The following ODF2 variants were observed in gnomAD, a reference collection of about 807,000 sequenced individuals.
ODF2 encodes outer dense fiber of sperm tails 2.
In ODF2, 47 loss-of-function variants were observed where a neutral mutation model predicts 110.2. The observed-to-expected ratio is 0.43, with a 90% CI of 0.34 to 0.54. The LOEUF (loss-of-function observed/expected upper bound fraction) is 0.54. Ranked by LOEUF, ODF2 falls within the 20% of genes least tolerant of loss-of-function variation. The pLI is 0.03. For missense variants in ODF2, 812 were observed against 1,054.5 expected, an observed-to-expected ratio of 0.77 and a Z score of 3.19; for synonymous variants, 352 against 397.7, an observed-to-expected ratio of 0.89 and a Z score of 1.37.
upstream of ODF2, chr9:128,456,126 G>A: frequency 2.6e-6 from 4 of 1,547,922 alleles, no homozygotes; most frequent in Non-Finnish European, 3.5e-6. Flanking sequence ...CGGAAAAGGA[G>A]GCGGAAGCGG....
chr9:128,460,106 A>G (rs1363854696), intron 3 of ODF2: 1 of 1,287,184 alleles, frequency 7.8e-7, no homozygotes, highest in South Asian at 1.2e-5. Flanking sequence ...TCTCTGATTT[A>G]TTCTGCACCC....
chr9:128,492,966 C>G (rs1433042625), intron 16 of ODF2, among the ~76,000 whole-genome samples, 161 bp downstream of exon 16: 2 of 151,862 alleles, frequency 1.3e-5, no homozygotes, highest in Non-Finnish European at 2.9e-5. Context: ...CCCTGTGCCT[C>G]TCTCTCCTTT....
chr9:128,488,315 C>T (rs1447291101), intron 14 of ODF2, among the ~76,000 whole-genome samples: 1 of 152,148 alleles, frequency 6.6e-6, no homozygotes, highest in Non-Finnish European at 1.5e-5. Flanking sequence ...GTCCCAGCTA[C>T]TCGGGAGGCT....
At chr9:128,500,128 G>A in exon 21 of ODF2, 3 of 1,614,284 alleles carry the variant, frequency 1.9e-6, no homozygotes, top group Non-Finnish European at 2.5e-6. Context: ...CAGTCCGAGA[G>A]CACCAACCGC....
chr9:128,464,131 C>T (rs1393059073), intron 4 of ODF2, among the ~76,000 whole-genome samples: 3 of 150,320 alleles, frequency 2.0e-5, no homozygotes, highest in Non-Finnish European at 2.9e-5. Context: ...AGGTGTGAGC[C>T]ACCACCACGC....
At chr9:128,482,868 A>C in exon 10 of ODF2, 1 of 1,605,050 alleles carries the variant, frequency 6.2e-7, no homozygotes, top group Non-Finnish European at 8.5e-7. Context: ...GAGCTCCTTC[A>C]GGAAATACAA....
At position 128,460,540 on chromosome 9, in the gene ODF2, C is replaced by T. The variant is rs753096885; in HGVS notation, c.124-402C>T. 4 of 1,613,366 alleles carry T rather than the reference C, an allele frequency of 2.5e-6. No individual in the cohort carries two copies. The South Asian group carries it at 4.4e-5, about 18-fold the overall frequency. On this transcript the variant is annotated intron_variant, in intron 3 of 20. Coordinates refer to ENST00000604420, the Ensembl canonical transcript of ODF2. ...CAACCATTTTTGTGTTGTCCTCCCC[C>T]ACCTGCCAGAAGCCAACCATGAAGG...
Position 128,482,091 on chromosome 9 carries a change from G to A in ODF2, c.915+440G>A, listed in dbSNP as rs534313062. On this transcript the variant is annotated intron_variant, in intron 9 of 20. Coordinates refer to ENST00000604420, the Ensembl canonical transcript of ODF2. ...AAGATGTTAATGAGTGCAAGAAACC[G>A]AAGGGGAGGTTCCATAGCCAGTTAA... 7.9e-5 allele frequency among the ~76,000 whole-genome samples: 12 copies of A among 152,322 alleles called. No homozygotes were observed. The South Asian group carries it at 1.9e-3, about 24-fold the overall frequency.
chr9:128,472,572 A>C (rs1840291500), intron 6 of ODF2, among the ~76,000 whole-genome samples: 1 of 152,082 alleles, frequency 6.6e-6, no homozygotes, highest in Admixed American at 6.6e-5. Context: ...AGTGTAGAGA[A>C]GAGGTAGAAG....
exon 16 of ODF2, chr9:128,492,759 A>G: frequency 6.2e-7 from 1 of 1,614,208 alleles, no homozygotes. Context: ...CGCTGTGACA[A>G]AGAGAACAAG....
chr9:128,473,546 G>A, intron 7 of ODF2, 64 bp from the exon 8 acceptor site: 1 of 1,595,988 alleles, frequency 6.3e-7, no homozygotes, highest in East Asian at 2.2e-5. Context: ...CCTCTTGAGT[G>A]CCCATGGGGC....
At chr9:128,488,090 T>C in intron 14 of ODF2, 65 bp downstream of exon 14, 1 of 1,588,674 alleles carries the variant, frequency 6.3e-7, no homozygotes, top group Non-Finnish European at 8.6e-7. Context: ...AGGGGTCTTG[T>C]CTTACGTGGG....
downstream of ODF2, chr9:128,500,810 A>T (rs575222597): frequency 6.6e-6 from 1 of 152,426 alleles, no homozygotes; most frequent in South Asian, 2.1e-4. Context: ...ACTTCACAAT[A>T]GACCCTCGAG....
chr9:128,457,383 C>T, exon 2 of ODF2: 1 of 1,613,154 alleles, frequency 6.2e-7, no homozygotes, highest in South Asian at 1.1e-5. Context: ...AATTGCCCAC[C>T]TTTGCGGCTT....
In ODF2 at chr9:128,487,648, G is replaced by A. The variant is rs575248707; in HGVS notation, c.1401-242G>A. The stretch of plus-strand genomic sequence containing the variant: ...TAAAAATACAAGAACTTAGCCGGGC[G>A]TGGCGGTGGGCGCCTGTAGTCCCAG... On this transcript the variant is annotated intron_variant, in intron 13 of 20. Coordinates refer to ENST00000604420, the Ensembl canonical transcript of ODF2. Among the ~76,000 whole-genome samples, 146 of 152,052 alleles carry A rather than the reference G, an allele frequency of 9.6e-4. 11 individuals carry two copies. Among genetic ancestry groups the A allele is most frequent in the East Asian group, 3.9e-4 (2 of 5,172 alleles).
At chr9:128,491,097 T>C (rs1245207377) in intron 14 of ODF2, among the ~76,000 whole-genome samples, 2 of 151,288 alleles carry the variant, frequency 1.3e-5, no homozygotes, top group Non-Finnish European at 2.9e-5. Flanking sequence ...CAGGCTGGAG[T>C]GCAGTGGTGC....
At chr9:128,462,906 T>C (rs1836887063) in intron 4 of ODF2, among the ~76,000 whole-genome samples, 1 of 152,184 alleles carries the variant, frequency 6.6e-6, no homozygotes, top group South Asian at 2.1e-4. Context: ...TGCTGTAGCA[T>C]TGTTTGTAAC....
In ODF2 at chr9:128,485,319, C is replaced by T; in HGVS notation, c.1291-46C>T. The T allele has an allele frequency of 1.9e-6, 2 of 1,044,520 alleles. No homozygotes were observed. The highest frequency in any genetic ancestry group is 3.0e-6 in the Non-Finnish European group (2 of 677,746). The allele number at this position is 1,044,520 out of a possible 1,614,324, so 64.7% of individuals were successfully genotyped here. On this transcript the variant is annotated intron_variant, in intron 12 of 20. Transcript: ENST00000604420. This position sits in a 1 kb window ranked among gnomAD's most constrained non-coding sequence, Gnocchi z 5.0. ...GCCCGCTCCCAGCTCCTGGCAGCCT[C>T]ACCACTGACACTAGGCTAACAGGCC...
chr9:128,485,297 C>T lies in ODF2; in HGVS notation c.1291-68C>T, dbSNP rs1007618788. ...GGTGAGAAACCACCTAGGATGAGCC[C>T]GCTCCCAGCTCCTGGCAGCCTCACC... On this transcript the variant is annotated intron_variant, in intron 12 of 20. Coordinates refer to ENST00000604420, the Ensembl canonical transcript of ODF2. This position sits in a 1 kb window ranked among gnomAD's most constrained non-coding sequence, Gnocchi z 5.0. 45 of 825,272 alleles carry T rather than the reference C, an allele frequency of 5.5e-5. No individual in the cohort carries two copies. The highest frequency in any genetic ancestry group is 1.1e-4 in the Admixed American group (5 of 46,612). The allele number at this position is 825,272 out of a possible 1,614,324, so 51.1% of individuals were successfully genotyped here. A position where few individuals can be genotyped will look rare whatever the true frequency, so the allele number is the denominator to read the frequency against.
Sources: gnomAD v4.1 joint callset for allele counts (sites outside exome capture counted in the v4.1 genomes callset) on GRCh38, gnomAD v4.1.1 for gene constraint, Gnocchi (gnomAD v3.1) non-coding constraint, MANE v1.5 for transcripts, NCBI Gene and HGNC (gene_info 2026-07-23, HGNC 2026-07-21) for gene names.